CRMP1: variants seen among roughly 807,000 people sequenced by gnomAD.
CRMP1 encodes the protein dihydropyrimidinase-related protein 1.
In CRMP1, 19 loss-of-function variants were observed where a neutral mutation model predicts 68.3. The observed-to-expected ratio is 0.28, with a 90% CI of 0.19 to 0.41. The LOEUF is 0.41. Among genes scored for constraint, CRMP1 ranks in the 10% least tolerant of loss-of-function variants. CRMP1 has a pLI of 1.00. For synonymous variants in CRMP1, 439 were observed against 399.6 expected, an observed-to-expected ratio of 1.10 and a Z score of -1.18; for missense variants, 791 against 967.4, an observed-to-expected ratio of 0.82 and a Z score of 2.42.
At position 5,821,943 on chromosome 4, in the gene CRMP1, C is replaced by T. The variant is rs952521058; in HGVS notation, c.1970-92G>A. 3.5e-6 allele frequency: 4 copies of T among 1,141,524 alleles called. No individual in the cohort carries two copies. The highest frequency in any genetic ancestry group is 5.0e-6 in the Non-Finnish European group (4 of 805,196). 70.7% of individuals were successfully genotyped at this position (1,141,524 alleles called of 1,614,324 possible). Reference sequence around the variant, plus strand: ...GCCATGTACTCTGCCATGCACTCCACTGGACCCACCTTCATTCAGGGCTCA... The same window carrying T: ...GCCATGTACTCTGCCATGCACTCCATTGGACCCACCTTCATTCAGGGCTCA... On this transcript the variant is annotated intron_variant, in intron 13 of 13. Transcript: ENST00000324989. The surrounding 1 kb of genome is among the most constrained non-coding windows in gnomAD (Gnocchi z 4.4).
In CRMP1 at chr4:5,843,774, C is replaced by T. The variant is rs569191795; in HGVS notation, c.964-613G>A. 5.6e-4 allele frequency among the ~76,000 whole-genome samples: 86 copies of T among 152,252 alleles called. No individual in the cohort carries two copies. Among genetic ancestry groups the T allele is most frequent in the African/African-American group, 1.9e-3 (77 of 41,542 alleles). On this transcript the variant is annotated intron_variant, in intron 6 of 13. Transcript: ENST00000324989. This position sits in a 1 kb window ranked among gnomAD's most constrained non-coding sequence, Gnocchi z 4.1. ...CAAAACCTGGAGCTGAGCGAGCACA[C>T]GCTCATTAATTGGCAGCCGGCTCTC... is the stretch of plus-strand genomic sequence containing the variant.
rs184148660 is a variant in CRMP1 at position 5,878,094 on chromosome 4, T to G, written c.382-11338A>C. ...TACATGGGTTTTCATTTTTAATTCT[T>G]AAATCACCTTAAAAGTGGGAATAAG... On this transcript the variant is annotated intron_variant, in intron 1 of 13. Transcript: ENST00000324989. Among the ~76,000 whole-genome samples, 290 of 152,332 alleles carry G rather than the reference T, an allele frequency of 1.9e-3. 2 individuals carry two copies. Among genetic ancestry groups the G allele is most frequent in the African/African-American group, 6.7e-3 (280 of 41,578 alleles).
Position 5,836,047 on chromosome 4 carries a change from G to A in CRMP1, c.1491C>T (p.Val497=). 6.3e-7 allele frequency: 1 copy of A among 1,575,314 alleles called. No homozygotes were observed. Among genetic ancestry groups the A allele is most frequent in the Non-Finnish European group, 8.6e-7 (1 of 1,161,044 alleles). ...GKMDENQFVA[V]TSTNAAKIFN... is the part of the protein sequence containing the mutation. ...AGATCTTGGCTGCATTGGTGCTGGTGACAGCGACAAACTGGTTCTCATCCA... is the reference window on the plus strand; with the variant it reads ...AGATCTTGGCTGCATTGGTGCTGGTAACAGCGACAAACTGGTTCTCATCCA... Residue 497 remains valine, a synonymous_variant, in exon 11 of 14, where the codon GTC becomes GTT. Coordinates refer to ENST00000324989, the MANE Select transcript of CRMP1 (RefSeq NM_001014809.3).
In CRMP1 at chr4:5,838,315, G is replaced by A. The variant is rs1427937836; in HGVS notation, c.1310+1207C>T. On this transcript the variant is annotated intron_variant, in intron 9 of 13. Coordinates refer to ENST00000324989, the MANE Select transcript of CRMP1 (RefSeq NM_001014809.3). This position sits in a 1 kb window ranked among gnomAD's most constrained non-coding sequence, Gnocchi z 4.9. The stretch of plus-strand genomic sequence containing the variant: ...GGAGGTTGGTCAGGGCGTGTGCACC[G>A]GATTGAGTTCTGCCTTGTTGGATGT... Among the ~76,000 whole-genome samples the A allele has an allele frequency of 6.6e-6, 1 of 152,084 alleles. No individual in the cohort carries two copies. The highest frequency in any genetic ancestry group is 2.4e-5 in the African/African-American group (1 of 41,408).
At position 5,842,618 on chromosome 4, in the gene CRMP1, TCACTCACACACA is replaced by T. The variant is rs1560496168; in HGVS notation, c.1032+463_1032+474del. ...CTCTCTCACACACACACACACACAC[TCACTCACACACA>T]CACACACGCACTGTCTCTCTCACAC... On this transcript the variant is annotated intron_variant, in intron 7 of 13. Coordinates refer to ENST00000324989, the MANE Select transcript of CRMP1 (RefSeq NM_001014809.3). The surrounding 1 kb of genome is among the most constrained non-coding windows in gnomAD (Gnocchi z 4.5). Among the ~76,000 whole-genome samples, 1 of 138,304 alleles carries T rather than the reference TCACTCACACACA, an allele frequency of 7.2e-6. No individual in the cohort carries two copies. Among genetic ancestry groups the T allele is most frequent in the Non-Finnish European group, 1.6e-5 (1 of 63,168 alleles). The allele number at this position is 138,304 out of a possible 152,430, so 90.7% of individuals were successfully genotyped here. A position where few individuals can be genotyped will look rare whatever the true frequency, so the allele number is the denominator to read the frequency against.
chr4:5,856,645 C>A (rs1445877291), intron 3 of CRMP1, among the ~76,000 whole-genome samples: 1 of 150,066 alleles, frequency 6.7e-6, no homozygotes, highest in South Asian at 2.2e-4. Flanking sequence ...TCATTATCAA[C>A]CCATCACCAT....
intron 12 of CRMP1, chr4:5,826,590 T>G (rs1245799766): frequency 4.6e-5 from 7 of 152,250 alleles, no homozygotes; most frequent in Non-Finnish European, 1.0e-4. Flanking sequence ...GCTGTCAGCC[T>G]GCTGGGAACT....
Position 5,843,473 on chromosome 4 carries a change from G to A in CRMP1, c.964-312C>T, listed in dbSNP as rs569496909. ...GGCCACCCACCACTCTCTGAATCTC[G>A]GAGTCTCCCTGCAGGCCTCTCCTCT... On this transcript the variant is annotated intron_variant, in intron 6 of 13. Coordinates refer to ENST00000324989, the MANE Select transcript of CRMP1 (RefSeq NM_001014809.3). This position sits in a 1 kb window ranked among gnomAD's most constrained non-coding sequence, Gnocchi z 4.1. Among the ~76,000 whole-genome samples, 2 of 152,084 alleles carry A rather than the reference G, an allele frequency of 1.3e-5. No homozygotes were observed. The highest frequency in any genetic ancestry group is 2.9e-5 in the Non-Finnish European group (2 of 68,010).
chr4:5,891,439 G>T lies in CRMP1; in HGVS notation c.381+1150C>A, dbSNP rs548699779. 2.6e-5 allele frequency among the ~76,000 whole-genome samples: 4 copies of T among 152,184 alleles called. No homozygotes were observed. Among genetic ancestry groups the T allele is most frequent in the Non-Finnish European group, 5.9e-5 (4 of 68,044 alleles). Reference sequence around the variant, plus strand: ...CACTCATAGCATTTAAGAGGGGAAGGTTTAATTAAAATGATAATGATTGTA... The same window carrying T: ...CACTCATAGCATTTAAGAGGGGAAGTTTTAATTAAAATGATAATGATTGTA... On this transcript the variant is annotated intron_variant, in intron 1 of 13. Coordinates refer to ENST00000324989, the MANE Select transcript of CRMP1 (RefSeq NM_001014809.3). This position sits in a 1 kb window ranked among gnomAD's most constrained non-coding sequence, Gnocchi z 5.2.
In CRMP1 at chr4:5,892,038, TC is replaced by T. The variant is rs961395030; in HGVS notation, c.381+550del. On this transcript the variant is annotated intron_variant, in intron 1 of 13. Coordinates refer to ENST00000324989, the MANE Select transcript of CRMP1 (RefSeq NM_001014809.3). The surrounding 1 kb of genome is among the most constrained non-coding windows in gnomAD (Gnocchi z 8.6). ...CGAACTAAATCCTTAACCAAATCCT[TC>T]CCCCCAGCAAGCATGAGGGGAGCGC... Among the ~76,000 whole-genome samples, 1 of 151,394 alleles carries T rather than the reference TC, an allele frequency of 6.6e-6. No individual in the cohort carries two copies. The highest frequency in any genetic ancestry group is 1.5e-5 in the Non-Finnish European group (1 of 67,866).
intron 12 of CRMP1, among the ~76,000 whole-genome samples, chr4:5,827,066 C>G (rs1057063975): frequency 6.6e-6 from 1 of 152,228 alleles, no homozygotes; most frequent in Non-Finnish European, 1.5e-5. Flanking sequence ...CAGGTCTCTC[C>G]TTCACCTGGT....
Position 5,868,279 on chromosome 4 carries a change from A to ATC in CRMP1, c.382-1524_382-1523insGA, listed in dbSNP as rs1222628235. 6.2e-3 allele frequency among the ~76,000 whole-genome samples: 533 copies of ATC among 86,598 alleles called. 6 individuals carry two copies. The highest frequency in any genetic ancestry group is 0.028 in the African/African-American group (490 of 17,682). The allele number at this position is 86,598 out of a possible 152,430, so 56.8% of individuals were successfully genotyped here. On this transcript the variant is annotated intron_variant, in intron 1 of 13. Coordinates refer to ENST00000324989, the MANE Select transcript of CRMP1 (RefSeq NM_001014809.3). ...TATATATCTATATATATATATATAT[A>ATC]TATATATATATATATATATATATAC...
intron 2 of CRMP1, among the ~76,000 whole-genome samples, chr4:5,864,163 T>G (rs538817039): frequency 6.6e-6 from 1 of 152,162 alleles, no homozygotes; most frequent in South Asian, 2.1e-4. Flanking sequence ...TTGCTCCTTC[T>G]GTATACTCCG....
chr4:5,848,965 CT>C (rs1375113881), intron 6 of CRMP1, among the ~76,000 whole-genome samples: 1 of 152,328 alleles, frequency 6.6e-6, no homozygotes, highest in East Asian at 1.9e-4. Context: ...AACATATGAA[CT>C]TTTGAAGGAC....
chr4:5,863,167 CAG>C (rs949851516), intron 2 of CRMP1, among the ~76,000 whole-genome samples: 1 of 148,466 alleles, frequency 6.7e-6, no homozygotes, highest in African/African-American at 2.5e-5. Flanking sequence ...CCTGGTTGGC[CAG>C]AGTCCTAAGA....
chr4:5,822,182 C>T (rs192245305), intron 13 of CRMP1, among the ~76,000 whole-genome samples: 2 of 152,360 alleles, frequency 1.3e-5, no homozygotes, highest in East Asian at 3.9e-4. Flanking sequence ...GGTGCTTTAA[C>T]ATGTTACTGC....
At position 5,842,506 on chromosome 4, in the gene CRMP1, G is replaced by T. The variant is rs1711826730; in HGVS notation, c.1032+587C>A. Among the ~76,000 whole-genome samples the T allele has an allele frequency of 6.6e-6, 1 of 151,656 alleles. No homozygotes were observed. Among genetic ancestry groups the T allele is most frequent in the Non-Finnish European group, 1.5e-5 (1 of 67,906 alleles). On this transcript the variant is annotated intron_variant, in intron 7 of 13. Coordinates refer to ENST00000324989, the MANE Select transcript of CRMP1 (RefSeq NM_001014809.3). This position sits in a 1 kb window ranked among gnomAD's most constrained non-coding sequence, Gnocchi z 4.5. Reference sequence around the variant, plus strand: ...CTCAACTCAAAGGATGGCTGCCAGGGTGCCCACTCTATTCCATGCCCGATC... The same window carrying T: ...CTCAACTCAAAGGATGGCTGCCAGGTTGCCCACTCTATTCCATGCCCGATC...
chr4:5,829,025 T>TA (rs2152455000), intron 11 of CRMP1, among the ~76,000 whole-genome samples: 1 of 150,236 alleles, frequency 6.7e-6, no homozygotes, highest in South Asian at 2.1e-4. Flanking sequence ...TGTCTTTAAA[T>TA]AAAATTTTTT....
chr4:5,889,737 A>C lies in CRMP1; in HGVS notation c.381+2852T>G. ...TTGCCATCCAGAGCGAGGGTGGCCT[A>C]GGCTTGGTACAGCTCCCCCAGCACT... On this transcript the variant is annotated intron_variant, in intron 1 of 13. Coordinates refer to ENST00000324989, the MANE Select transcript of CRMP1 (RefSeq NM_001014809.3). This position sits in a 1 kb window ranked among gnomAD's most constrained non-coding sequence, Gnocchi z 4.5. 3 of 1,535,556 alleles carry C rather than the reference A, an allele frequency of 2.0e-6. No individual in the cohort carries two copies. Among genetic ancestry groups the C allele is most frequent in the Non-Finnish European group, 2.6e-6 (3 of 1,146,544 alleles).
Sources: allele counts gnomAD v4.1 joint callset (sites outside exome capture counted in the v4.1 genomes callset), GRCh38; gene constraint gnomAD v4.1.1; non-coding constraint Gnocchi (gnomAD v3.1); transcripts MANE v1.5; gene names NCBI Gene and HGNC (gene_info 2026-07-23, HGNC 2026-07-21).